DEFA5: variants seen among roughly 807,000 people sequenced by gnomAD.
The protein encoded by DEFA5 is defensin alpha 5.
In DEFA5, 11 loss-of-function variants were observed where a neutral mutation model predicts 8.7. That is an observed-to-expected ratio of 1.26 (90% confidence interval 0.80 to 2.09). The LOEUF (loss-of-function observed/expected upper bound fraction) is 2.09, where lower values mean the gene tolerates loss of function less well. Ranked by LOEUF, DEFA5 falls within the 30% of genes most tolerant of loss-of-function variation. The pLI, the probability that DEFA5 is intolerant of heterozygous loss-of-function variation, is 0.00. For synonymous variants in DEFA5, 52 were observed against 43.9 expected (o/e 1.18, Z -0.73); for missense variants, 181 against 117.2 (o/e 1.54, Z -2.52).
intron 1 of DEFA5, among the ~76,000 whole-genome samples, chr8:7,056,189 C>G (rs1812423743): frequency 6.6e-6 from 1 of 152,078 alleles, no homozygotes. Context: ...AGGTTCCTCT[C>G]TAGGTTCTAA....
In DEFA5 at chr8:7,055,353, G is replaced by A. The variant is rs1812376741; in HGVS notation, c.*78C>T. On this transcript the variant is annotated 3_prime_UTR_variant, in exon 2 of 2. Transcript: ENST00000330590. ...AGAGAGAAATTTAGAAAGACACAAG[G>A]TACACAGAGTAAAATGTTTTTCTTT... 3.9e-6 allele frequency: 4 copies of A among 1,037,166 alleles called. No homozygotes were observed. The highest frequency in any genetic ancestry group is 2.6e-5 in the East Asian group (1 of 38,838). The allele number at this position is 1,037,166 out of a possible 1,614,324, so 64.2% of individuals were successfully genotyped here.
rs756567237 is a variant in DEFA5, at chr8:7,056,520, T to A, written c.172+6A>T. The A allele has an allele frequency of 6.2e-7, 1 of 1,605,206 alleles. No individual in the cohort carries two copies. Among genetic ancestry groups the A allele is most frequent in the Admixed American group, 1.7e-5 (1 of 59,726 alleles). Reference sequence around the variant, plus strand: ...TTTGCAGATGTGCAAGATTGATGTCTCCTACCTGAGGTTCTAAGAGCAGAG... The same window carrying A: ...TTTGCAGATGTGCAAGATTGATGTCACCTACCTGAGGTTCTAAGAGCAGAG... On this transcript the variant is annotated splice_donor_region_variant and intron_variant, in intron 1 of 1. Transcript: ENST00000330590.
In DEFA5 at chr8:7,055,560, G is replaced by C. The variant is rs371223516; in HGVS notation, c.173-17C>G. 7.6e-6 allele frequency: 12 copies of C among 1,580,806 alleles called. No individual in the cohort carries two copies. Among genetic ancestry groups the C allele is most frequent in the South Asian group, 6.7e-5 (6 of 89,034 alleles). On this transcript the variant is annotated splice_polypyrimidine_tract_variant and intron_variant, in intron 1 of 1. Coordinates refer to ENST00000330590, the MANE Select transcript of DEFA5 (RefSeq NM_021010.3). ...CCTGAGAACCTGTGGAAAGAAGAGA[G>C]GGTCAGGCACAGCGAGGGAGGTGGG... is the stretch of plus-strand genomic sequence containing the variant.
In DEFA5 at chr8:7,056,649, C is replaced by T; in HGVS notation, c.49G>A (p.Ala17Thr). The change falls in exon 1 of 2, where the codon GCC becomes ACC. Residue 17 changes from alanine (A) to threonine (T), a missense_variant. Transcript: ENST00000330590. ...CTTTCCTGGAGTGACTCAGCCTGGG[C>T]CTGCAGGGCCACCAGGAGAATGGCA... ...LAAILLVALQ[A>T]QAESLQERAD... 1 of 1,613,856 alleles carries T rather than the reference C, an allele frequency of 6.2e-7. No individual in the cohort carries two copies. The highest frequency in any genetic ancestry group is 1.7e-5 in the Admixed American group (1 of 60,020).
In DEFA5 at chr8:7,056,610, T is replaced by G. The variant is rs200312303; in HGVS notation, c.88A>C (p.Thr30Pro). 3.0e-5 allele frequency: 48 copies of G among 1,614,088 alleles called. No homozygotes were observed. The highest frequency in any genetic ancestry group is 1.7e-5 in the Admixed American group (1 of 60,012). ...ESLQERADEATTQKQSGEDNQ... is the reference protein window; with the variant it reads ...ESLQERADEAPTQKQSGEDNQ... ...TCTTCCCCAGACTGCTTCTGGGTTG[T>G]AGCCTCATCAGCTCTTTCCTGGAGT... Residue 30 changes from threonine (T) to proline (P), a missense_variant, in exon 1 of 2, where the codon ACA becomes CCA. Physicochemically the swap from Thr to Pro is conservative, Grantham distance 38. Transcript: ENST00000330590.
Position 7,056,587 on chromosome 8 carries a change from T to C in DEFA5, c.111A>G (p.Glu37=), listed in dbSNP as rs373498864. ...AGGAGATAGCAAGGTCCTGGTTGTC[T>C]TCCCCAGACTGCTTCTGGGTTGTAG... ...DEATTQKQSG[E]DNQDLAISFA... is the part of the protein sequence containing the mutation. Residue 37 remains glutamate (E), a synonymous_variant, in exon 1 of 2, where the codon GAA becomes GAG. Coordinates refer to ENST00000330590, the MANE Select transcript of DEFA5 (RefSeq NM_021010.3). 2 of 1,614,144 alleles carry C rather than the reference T, an allele frequency of 1.2e-6. No individual in the cohort carries two copies. The highest frequency in any genetic ancestry group is 1.1e-5 in the South Asian group (1 of 91,072).
chr8:7,055,816 A>G (rs1475080737), intron 1 of DEFA5, among the ~76,000 whole-genome samples: 1 of 152,014 alleles, frequency 6.6e-6, no homozygotes, highest in Non-Finnish European at 1.5e-5. Flanking sequence ...AGGGTTACCT[A>G]CTCTTCATTC....
chr8:7,056,619 C>G lies in DEFA5; in HGVS notation c.79G>C (p.Asp27His). 6.2e-6 allele frequency: 10 copies of G among 1,614,190 alleles called. No homozygotes were observed. The highest frequency in any genetic ancestry group is 8.5e-6 in the Non-Finnish European group (10 of 1,179,994). ...AQAESLQERA[D>H]EATTQKQSGE... ...GACTGCTTCTGGGTTGTAGCCTCAT[C>G]AGCTCTTTCCTGGAGTGACTCAGCC... The change falls in exon 1 of 2, where the codon GAT (aspartate) becomes CAT (histidine). Residue 27 changes from aspartate to histidine, a missense_variant. Asp to His is a moderately conservative substitution (Grantham distance 81). Transcript: ENST00000330590.
chr8:7,056,278 T>C (rs1812426853), intron 1 of DEFA5, among the ~76,000 whole-genome samples: 1 of 152,190 alleles, frequency 6.6e-6, no homozygotes, highest in African/African-American at 2.4e-5. Context: ...AACTAGTCAG[T>C]GTAGCTCTTT....
chr8:7,055,436 G>A lies in DEFA5; in HGVS notation c.280C>T (p.Arg94Cys), dbSNP rs766579196. Residue 94 changes from arginine to cysteine, a missense_variant, in exon 2 of 2, where the codon CGC (arginine) becomes TGC (cysteine). Transcript: ENST00000330590. The stretch of plus-strand genomic sequence containing the variant: ...TTGGTTTCTATCTAGGAAGCTCAGC[G>A]ACAGCAGAGTCTGTAGAGGCGGCCA... ...ISGRLYRLCC[R>C] 18 of 1,613,202 alleles carry A rather than the reference G, an allele frequency of 1.1e-5. No homozygotes were observed. The highest frequency in any genetic ancestry group is 1.3e-5 in the African/African-American group (1 of 74,890).
At position 7,056,593 on chromosome 8, in the gene DEFA5, A is replaced by C. The variant is rs1812440324; in HGVS notation, c.105T>G (p.Ser35=). ...TAGCAAGGTCCTGGTTGTCTTCCCC[A>C]GACTGCTTCTGGGTTGTAGCCTCAT... ...RADEATTQKQ[S]GEDNQDLAIS... is the part of the protein sequence containing the mutation. Residue 35 remains serine (S), a synonymous_variant, in exon 1 of 2, where the codon TCT becomes TCG. Coordinates refer to ENST00000330590, the MANE Select transcript of DEFA5 (RefSeq NM_021010.3). The C allele has an allele frequency of 6.2e-7, 1 of 1,614,156 alleles. No homozygotes were observed. Among genetic ancestry groups the C allele is most frequent in the Non-Finnish European group, 8.5e-7 (1 of 1,179,986 alleles).
Position 7,056,643 on chromosome 8 carries a change from C to A in DEFA5, c.55G>T (p.Ala19Ser), listed in dbSNP as rs1356255285. ...AILLVALQAQ[A>S]ESLQERADEA... ...TCAGCTCTTTCCTGGAGTGACTCAG[C>A]CTGGGCCTGCAGGGCCACCAGGAGA... The change falls in exon 1 of 2, where the codon GCT becomes TCT. Residue 19 changes from alanine (A) to serine (S), a missense_variant. Coordinates refer to ENST00000330590, the MANE Select transcript of DEFA5 (RefSeq NM_021010.3). 7 of 1,613,962 alleles carry A rather than the reference C, an allele frequency of 4.3e-6. No homozygotes were observed. The highest frequency in any genetic ancestry group is 5.9e-6 in the Non-Finnish European group (7 of 1,179,868).
At chr8:7,055,976 A>AGACTTTCCAAAT (rs1393449752) in intron 1 of DEFA5, among the ~76,000 whole-genome samples, 2 of 148,434 alleles carry the variant, frequency 1.3e-5, no homozygotes, top group Non-Finnish European at 3.0e-5. Flanking sequence ...GAGTCTTTGA[A>AGACTTTCCAAAT]GACTTTCCAA....
rs367943310 is a variant in DEFA5, at chr8:7,056,551, A to G, written c.147T>C (p.Asn49=). ...NQDLAISFAG[N]GLSALRTSGS... is the part of the protein sequence containing the mutation. ...CTGAGGTTCTAAGAGCAGAGAGTCCATTTCCTGCAAAGGAGATAGCAAGGT... is the reference window on the plus strand; with the variant it reads ...CTGAGGTTCTAAGAGCAGAGAGTCCGTTTCCTGCAAAGGAGATAGCAAGGT... Residue 49 remains asparagine, a synonymous_variant, in exon 1 of 2, where the codon AAT becomes AAC. Transcript: ENST00000330590. The G allele has an allele frequency of 1.2e-6, 2 of 1,613,362 alleles. No homozygotes were observed. The highest frequency in any genetic ancestry group is 1.7e-5 in the Admixed American group (1 of 60,014).
At chr8:7,055,573 C>T (rs770107523) in intron 1 of DEFA5, 30 bp from the exon 2 acceptor site, 27 of 1,502,742 alleles carry the variant, frequency 1.8e-5, no homozygotes, top group African/African-American at 6.9e-5. Context: ...TCAGGCACAG[C>T]GAGGGAGGTG....
rs1455094634 is a variant in DEFA5, at chr8:7,055,403, G to A, written c.*28C>T. On this transcript the variant is annotated 3_prime_UTR_variant, in exon 2 of 2. Transcript: ENST00000330590. ...TTTTCAGGACCTTGAACTGAATCTT[G>A]CACTGCTTTGGTTTCTATCTAGGAA... 3 of 1,554,434 alleles carry A rather than the reference G, an allele frequency of 1.9e-6. No individual in the cohort carries two copies. The highest frequency in any genetic ancestry group is 1.4e-5 in the African/African-American group (1 of 73,962).
intron 1 of DEFA5, 69 bp downstream of exon 1, chr8:7,056,457 T>TGACTCCAGATCCTTTCTCCAATC: frequency 6.7e-7 from 1 of 1,485,924 alleles, no homozygotes; most frequent in Non-Finnish European, 9.1e-7. Context: ...TTTCCACACT[T>TGACTCCAGATCCTTTCTCCAATC]GACTCCAGAT....
chr8:7,056,473 C>G, intron 1 of DEFA5, 53 bp downstream of exon 1: 6 of 1,542,538 alleles, frequency 3.9e-6, no homozygotes, highest in Non-Finnish European at 5.3e-6. Context: ...CAGATCCTTT[C>G]TCCAATCCTT....
In DEFA5 at chr8:7,055,584, G is replaced by A. The variant is rs556928803; in HGVS notation, c.173-41C>T. ...AGGGTCAGGCACAGCGAGGGAGGTG[G>A]GAAAAAGGACAAGCACAGCCAGACT... On this transcript the variant is annotated intron_variant, in intron 1 of 1. Coordinates refer to ENST00000330590, the MANE Select transcript of DEFA5 (RefSeq NM_021010.3). 4 of 1,401,000 alleles carry A rather than the reference G, an allele frequency of 2.9e-6. No individual in the cohort carries two copies. In the African/African-American group the frequency reaches 4.2e-5, roughly 15 times the overall value. The allele number at this position is 1,401,000 out of a possible 1,614,324, so 86.8% of individuals were successfully genotyped here.
Sources: allele counts gnomAD v4.1 joint callset (sites outside exome capture counted in the v4.1 genomes callset), GRCh38; gene constraint gnomAD v4.1.1; transcripts MANE v1.5; gene names NCBI Gene and HGNC (gene_info 2026-07-23, HGNC 2026-07-21).